Variants in OR51E1 observed in about 807,000 individuals in gnomAD.
OR51E1 encodes the protein olfactory receptor family 51 subfamily E member 1, also known as olfactory receptor 51E1.
In OR51E1, 9 loss-of-function variants were observed where a neutral mutation model predicts 11.5. The ratio of observed to expected loss-of-function variants is 0.78; its 90% CI spans 0.47 to 1.37. The LOEUF (loss-of-function observed/expected upper bound fraction) is 1.37, where lower values mean the gene tolerates loss of function less well. OR51E1 is among the 40% of genes most tolerant of loss of function. OR51E1 has a pLI of 0.00. For missense variants in OR51E1, 397 were observed against 410.2 expected, an observed-to-expected ratio of 0.97 and a Z score of 0.28; for synonymous variants, 168 against 158.3, an observed-to-expected ratio of 1.06 and a Z score of -0.46.
At chr11:4,647,247 G>T (rs945667701) in intron 1 of OR51E1, among the ~76,000 whole-genome samples, 10 of 152,166 alleles carry the variant, frequency 6.6e-5, no homozygotes, top group African/African-American at 2.4e-4. Flanking sequence ...CAAAATCAGG[G>T]TTAAAGGTGA....
Position 4,652,488 on chromosome 11 carries a change from C to A in OR51E1, c.-39C>A. On this transcript the variant is annotated splice_region_variant and 5_prime_UTR_variant, in exon 2 of 2. Transcript: ENST00000396952. Reference sequence around the variant, plus strand: ...ACAGTGGCTTATCTTTGCATTCCAGCCTCTACCTGCCTGGTGCTGGTCACA... The same window carrying A: ...ACAGTGGCTTATCTTTGCATTCCAGACTCTACCTGCCTGGTGCTGGTCACA... The A allele has an allele frequency of 1.4e-6, 2 of 1,414,032 alleles. No individual in the cohort carries two copies. The highest frequency in any genetic ancestry group is 2.0e-6 in the Non-Finnish European group (2 of 1,010,340). 87.6% of individuals were successfully genotyped at this position (1,414,032 alleles called of 1,614,324 possible).
At chr11:4,644,981 C>T (rs1021577372) in intron 1 of OR51E1, among the ~76,000 whole-genome samples, 1 of 152,060 alleles carries the variant, frequency 6.6e-6, no homozygotes, top group African/African-American at 2.4e-5. Context: ...CTTGCTGTCT[C>T]CCACAGTTGG....
intron 1 of OR51E1, among the ~76,000 whole-genome samples, chr11:4,651,367 T>C (rs993716179): frequency 6.6e-6 from 1 of 152,158 alleles, no homozygotes; most frequent in Admixed American, 6.5e-5. Context: ...GAGGGAATCC[T>C]GGTAGGGCAG....
At chr11:4,650,020 C>G (rs1039194640) in intron 1 of OR51E1, among the ~76,000 whole-genome samples, 2 of 152,120 alleles carry the variant, frequency 1.3e-5, no homozygotes. Context: ...GTTTCAATGG[C>G]TATATAATAC....
intron 1 of OR51E1, among the ~76,000 whole-genome samples, chr11:4,648,596 A>G (rs929174805): frequency 2.6e-5 from 4 of 152,192 alleles, no homozygotes; most frequent in Non-Finnish European, 4.4e-5. Flanking sequence ...ATAGTGTTGC[A>G]TATGCCCAGC....
At chr11:4,650,419 A>T (rs2133226113) in intron 1 of OR51E1, among the ~76,000 whole-genome samples, 1 of 152,330 alleles carries the variant, frequency 6.6e-6, no homozygotes, top group South Asian at 2.1e-4. Context: ...GAGAAGGGAC[A>T]TTGATGACTT....
At chr11:4,646,101 C>G (rs1706543207) in intron 1 of OR51E1, among the ~76,000 whole-genome samples, 1 of 152,340 alleles carries the variant, frequency 6.6e-6, no homozygotes, top group Non-Finnish European at 1.5e-5. Context: ...CCTTCCCTCT[C>G]TGTGCCTGGG....
At position 4,652,900 on chromosome 11, in the gene OR51E1, G is replaced by A. The variant is rs760647045; in HGVS notation, c.374G>A (p.Arg125His). The change falls in exon 2 of 2, where the codon CGC (arginine) becomes CAC (histidine). Residue 125 changes from arginine to histidine, a missense_variant. Arg to His is a conservative substitution (Grantham distance 29, BLOSUM62 0). Transcript: ENST00000396952. Reference sequence around the variant, plus strand: ...GTGCTGCTGGCCATGGCTTTTGACCGCTATGTGGCCATCTGTCACCCACTG... The same window carrying A: ...GTGCTGCTGGCCATGGCTTTTGACCACTATGTGGCCATCTGTCACCCACTG... ...STVLLAMAFD[R>H]YVAICHPLRH... 2.7e-5 allele frequency: 43 copies of A among 1,612,000 alleles called. No homozygotes were observed. Among genetic ancestry groups the A allele is most frequent in the East Asian group, 2.5e-4 (11 of 44,874 alleles).
At chr11:4,651,542 G>A (rs1169082227) in intron 1 of OR51E1, among the ~76,000 whole-genome samples, 1 of 152,210 alleles carries the variant, frequency 6.6e-6, no homozygotes, top group South Asian at 2.1e-4. Context: ...GCCTCTAGAT[G>A]TGCATCATGG....
chr11:4,647,978 C>T (rs1233904979), intron 1 of OR51E1, among the ~76,000 whole-genome samples: 2 of 152,152 alleles, frequency 1.3e-5, no homozygotes, highest in African/African-American at 2.4e-5. Flanking sequence ...GCTGGAAGGC[C>T]ACCTGGAAGT....
Position 4,652,733 on chromosome 11 carries a change from T to C in OR51E1, c.207T>C (p.Leu69=). 1.2e-6 allele frequency: 2 copies of C among 1,614,172 alleles called. No individual in the cohort carries two copies. The highest frequency in any genetic ancestry group is 8.5e-7 in the Non-Finnish European group (1 of 1,180,006). ...CCATGTATATATTTCTTTGCATGCT[T>C]TCAGGCATTGACATCCTCATCTCCA... ...HEPMYIFLCM[L]SGIDILISTS... is the part of the protein sequence containing the mutation. The change falls in exon 2 of 2, where the codon CTT becomes CTC. Residue 69 remains leucine (L), a synonymous_variant. Coordinates refer to ENST00000396952, the MANE Select transcript of OR51E1 (RefSeq NM_152430.4).
chr11:4,649,830 G>A (rs1359073477), intron 1 of OR51E1, among the ~76,000 whole-genome samples: 2 of 152,142 alleles, frequency 1.3e-5, no homozygotes, highest in African/African-American at 4.8e-5. Flanking sequence ...TGTGTTAAGT[G>A]CTTTACATTT....
chr11:4,652,614 T>C lies in OR51E1; in HGVS notation c.88T>C (p.Leu30=), dbSNP rs1447410298. The change falls in exon 2 of 2, where the codon TTG becomes CTG. Residue 30 remains leucine (L), a synonymous_variant. Transcript: ENST00000396952. ...LPGLEEAQFW[L]AFPLCSLYLI... is the part of the protein sequence containing the mutation. ...TGGTTTAGAAGAGGCTCAGTTCTGG[T>C]TGGCCTTCCCATTGTGCTCCCTCTA... 1 of 1,614,174 alleles carries C rather than the reference T, an allele frequency of 6.2e-7. No homozygotes were observed.
intron 1 of OR51E1, among the ~76,000 whole-genome samples, chr11:4,650,386 T>G (rs1847079513): frequency 6.6e-6 from 1 of 152,202 alleles, no homozygotes; most frequent in Non-Finnish European, 1.5e-5. Flanking sequence ...TGGTGCCACA[T>G]GCTGCAGAGA....
Position 4,652,607 on chromosome 11 carries a change from G to A in OR51E1, c.81G>A (p.Gln27=), listed in dbSNP as rs770199047. The part of the protein sequence containing the change: ...LIGLPGLEEA[Q]FWLAFPLCSL... ...GCCTCCCTGGTTTAGAAGAGGCTCA[G>A]TTCTGGTTGGCCTTCCCATTGTGCT... Residue 27 remains glutamine (Q), a synonymous_variant, in exon 2 of 2, where the codon CAG becomes CAA. Transcript: ENST00000396952. The A allele has an allele frequency of 6.2e-7, 1 of 1,614,186 alleles. No individual in the cohort carries two copies. Among genetic ancestry groups the A allele is most frequent in the South Asian group, 1.1e-5 (1 of 91,086 alleles).
In OR51E1 at chr11:4,650,554, T is replaced by C. The variant is rs546140966; in HGVS notation, c.-39-1934T>C. On this transcript the variant is annotated intron_variant, in intron 1 of 1. Transcript: ENST00000396952. ...ATTCATGCTCCCATTGTTTTCCCAC[T>C]AATTTCTATCTGGTCTGAGGAAACC... Among the ~76,000 whole-genome samples the C allele has an allele frequency of 1.7e-3, 257 of 152,292 alleles. 1 individual carries two copies. Among genetic ancestry groups the C allele is most frequent in the Non-Finnish European group, 2.5e-3 (171 of 68,022 alleles).
At chr11:4,652,188 C>T (rs776036934) in intron 1 of OR51E1, among the ~76,000 whole-genome samples, 5 of 152,156 alleles carry the variant, frequency 3.3e-5, no homozygotes, top group African/African-American at 4.8e-5. Context: ...CTTTTATATT[C>T]AGCCAGTAGC....
intron 1 of OR51E1, among the ~76,000 whole-genome samples, chr11:4,644,372 T>G (rs1443071037): frequency 6.6e-6 from 1 of 151,868 alleles, no homozygotes; most frequent in Non-Finnish European, 1.5e-5. Flanking sequence ...GGGGCTGCAT[T>G]GGGGTTGGGT....
Position 4,652,535 on chromosome 11 carries a change from G to T in OR51E1, c.9G>T (p.Val3=). 1 of 1,610,386 alleles carries T rather than the reference G, an allele frequency of 6.2e-7. No individual in the cohort carries two copies. Among genetic ancestry groups the T allele is most frequent in the Non-Finnish European group, 8.5e-7 (1 of 1,177,266 alleles). The part of the protein sequence containing the change: MM[V]DPNGNESSAT... The stretch of plus-strand genomic sequence containing the variant: ...CACAGTTCAGCTTCTTCATGATGGT[G>T]GATCCCAATGGCAATGAATCCAGTG... The change falls in exon 2 of 2, where the codon GTG becomes GTT. Residue 3 remains valine (V), a synonymous_variant. Transcript: ENST00000396952.
Sources: gnomAD v4.1 joint callset for allele counts (sites outside exome capture counted in the v4.1 genomes callset) on GRCh38, gnomAD v4.1.1 for gene constraint, MANE v1.5 for transcripts, NCBI Gene and HGNC (gene_info 2026-07-23, HGNC 2026-07-21) for gene names.